Variants in HS6ST3 observed in about 807,000 individuals in gnomAD.
The protein encoded by HS6ST3 is heparan-sulfate 6-O-sulfotransferase 3.
HS6ST3 carries 12 observed loss-of-function variants against 36.7 expected under a neutral mutation model. The observed-to-expected ratio is 0.33, with a 90% CI of 0.21 to 0.53. The LOEUF is 0.53. Among genes scored for constraint, HS6ST3 ranks in the 20% least tolerant of loss-of-function variants. The pLI is 0.95. For synonymous variants in HS6ST3, 240 were observed against 257.5 expected, an observed-to-expected ratio of 0.93 and a Z score of 0.65; for missense variants, 584 against 640.9, an observed-to-expected ratio of 0.91 and a Z score of 0.96.
chr13:96,475,132 G>T (rs1007706338), intron 1 of HS6ST3, among the ~76,000 whole-genome samples: 20 of 151,868 alleles, frequency 1.3e-4, no homozygotes, highest in African/African-American at 4.8e-4. Flanking sequence ...GGAAATTCCT[G>T]CTCTGATTCC....
chr13:96,266,876 G>T (rs1446465366), intron 1 of HS6ST3, among the ~76,000 whole-genome samples: 1 of 152,092 alleles, frequency 6.6e-6, no homozygotes, highest in Non-Finnish European at 1.5e-5. Flanking sequence ...CCAAGGAATG[G>T]TCAGTCTGCG....
At chr13:96,410,130 C>T (rs952029512) in intron 1 of HS6ST3, among the ~76,000 whole-genome samples, 8 of 152,074 alleles carry the variant, frequency 5.3e-5, no homozygotes, top group Non-Finnish European at 1.0e-4. Flanking sequence ...GTTTTGACTA[C>T]GCAAATATTT....
At chr13:96,436,316 T>C (rs1477278181) in intron 1 of HS6ST3, among the ~76,000 whole-genome samples, 2 of 152,212 alleles carry the variant, frequency 1.3e-5, no homozygotes, top group Non-Finnish European at 2.9e-5. Context: ...ACTATTTACA[T>C]TGGAATGTAT....
chr13:96,212,208 C>G (rs2054402421), intron 1 of HS6ST3, among the ~76,000 whole-genome samples: 1 of 152,112 alleles, frequency 6.6e-6, no homozygotes, highest in African/African-American at 2.4e-5. Context: ...GGTTTAATGC[C>G]TGGGTTTTTT....
chr13:96,486,327 G>A (rs865854871), intron 1 of HS6ST3, among the ~76,000 whole-genome samples: 7 of 152,046 alleles, frequency 4.6e-5, no homozygotes, highest in African/African-American at 7.2e-5. Context: ...ATAAACATCC[G>A]TGTGCATGTG....
chr13:96,491,708 C>CT (rs2055946708), intron 1 of HS6ST3, among the ~76,000 whole-genome samples: 1 of 152,136 alleles, frequency 6.6e-6, no homozygotes, highest in Non-Finnish European at 1.5e-5. Flanking sequence ...ATATTTCCTA[C>CT]TGGTCAGCCC....
chr13:96,604,737 G>A (rs954589731), intron 1 of HS6ST3, among the ~76,000 whole-genome samples: 1 of 152,088 alleles, frequency 6.6e-6, no homozygotes, highest in South Asian at 2.1e-4. Flanking sequence ...ATGCACATCT[G>A]CACACATTTA....
At chr13:96,529,949 A>C (rs2056129041) in intron 1 of HS6ST3, among the ~76,000 whole-genome samples, 1 of 152,294 alleles carries the variant, frequency 6.6e-6, no homozygotes, top group Admixed American at 6.5e-5. Flanking sequence ...CAATACCTCA[A>C]GGAATAACAT....
intron 1 of HS6ST3, among the ~76,000 whole-genome samples, chr13:96,337,755 C>T (rs2055109131): frequency 6.6e-6 from 1 of 151,994 alleles, no homozygotes; most frequent in South Asian, 2.1e-4. Flanking sequence ...TTCTCTCCCT[C>T]TATTTTCTCT....
chr13:96,496,749 T>C (rs192054372), intron 1 of HS6ST3, among the ~76,000 whole-genome samples: 1 of 151,860 alleles, frequency 6.6e-6, no homozygotes, highest in African/African-American at 2.4e-5. Flanking sequence ...ACGTTGCTAT[T>C]TTTTTTTAAG....
chr13:96,109,902 G>A (rs2053859789), intron 1 of HS6ST3, among the ~76,000 whole-genome samples: 1 of 152,182 alleles, frequency 6.6e-6, no homozygotes, highest in African/African-American at 2.4e-5. Context: ...AAATAAAAAG[G>A]TGAATCAGAT....
In HS6ST3 at chr13:96,545,808, C is replaced by G. The variant is rs537367444; in HGVS notation, c.708-286682C>G. ...ATCCGATAGCTACTTCGAGAGCCAG[C>G]GGATACCATCCACAGATATTAAGAA... On this transcript the variant is annotated intron_variant, in intron 1 of 1. Transcript: ENST00000376705. 5.9e-5 allele frequency among the ~76,000 whole-genome samples: 9 copies of G among 152,134 alleles called. No homozygotes were observed. In the South Asian group the frequency reaches 1.7e-3, roughly 28 times the overall value.
chr13:96,776,188 G>C (rs185435881), intron 1 of HS6ST3, among the ~76,000 whole-genome samples: 2 of 152,040 alleles, frequency 1.3e-5, no homozygotes. Context: ...TGCAGCTAAA[G>C]TAGTGTTTAG....
intron 1 of HS6ST3, among the ~76,000 whole-genome samples, chr13:96,726,443 G>T (rs528991055): frequency 6.6e-6 from 1 of 152,236 alleles, no homozygotes; most frequent in East Asian, 1.9e-4. Flanking sequence ...TCATAGGATT[G>T]ATGCCCAAGT....
intron 1 of HS6ST3, among the ~76,000 whole-genome samples, chr13:96,210,103 AT>A (rs142013129): frequency 2.0e-5 from 3 of 151,966 alleles, no homozygotes; most frequent in Non-Finnish European, 4.4e-5. Flanking sequence ...TGGTTGAGAT[AT>A]TTTTTCCCCC....
At chr13:96,182,022 A>C (rs1179434773) in intron 1 of HS6ST3, among the ~76,000 whole-genome samples, 1 of 152,180 alleles carries the variant, frequency 6.6e-6, no homozygotes, top group African/African-American at 2.4e-5. Context: ...TAGAAGAAGA[A>C]ATTTGTCAGA....
chr13:96,673,311 C>T (rs1456730607), intron 1 of HS6ST3, among the ~76,000 whole-genome samples: 1 of 152,084 alleles, frequency 6.6e-6, no homozygotes, highest in Non-Finnish European at 1.5e-5. Flanking sequence ...TGCAAAGATC[C>T]TTTTCCCAAT....
chr13:96,135,767 C>T (rs1163527645), intron 1 of HS6ST3, among the ~76,000 whole-genome samples: 1 of 152,186 alleles, frequency 6.6e-6, no homozygotes, highest in African/African-American at 2.4e-5. Flanking sequence ...GACCCACAGC[C>T]AGTGAATTAG....
chr13:96,167,281 A>G (rs1316234909), intron 1 of HS6ST3, among the ~76,000 whole-genome samples: 1 of 152,198 alleles, frequency 6.6e-6, no homozygotes, highest in East Asian at 1.9e-4. Context: ...CATTGCTGGC[A>G]CACAGTAAGT....
Sources: gnomAD v4.1 joint callset for allele counts (sites outside exome capture counted in the v4.1 genomes callset) on GRCh38, gnomAD v4.1.1 for gene constraint, MANE v1.5 for transcripts, NCBI Gene and HGNC (gene_info 2026-07-23, HGNC 2026-07-21) for gene names.